Variants in KIAA1549L observed in about 807,000 individuals in gnomAD.
The protein encoded by KIAA1549L is KIAA1549 like, also known as UPF0606 protein KIAA1549L.
In KIAA1549L, 88 loss-of-function variants were observed where a neutral mutation model predicts 160.7. The ratio of observed to expected loss-of-function variants is 0.55; its 90% CI spans 0.46 to 0.65. The LOEUF (loss-of-function observed/expected upper bound fraction) is 0.65. Among genes scored for constraint, KIAA1549L ranks in the 30% least tolerant of loss-of-function variants. The probability of loss-of-function intolerance (pLI) is 0.00; values close to 1 mark genes in which losing one functional copy is unlikely to be tolerated. For synonymous variants in KIAA1549L, 950 were observed against 976.7 expected, an observed-to-expected ratio of 0.97 and a Z score of 0.51; for missense variants, 2,258 against 2,437.5, an observed-to-expected ratio of 0.93 and a Z score of 1.55.
intron 1 of KIAA1549L, among the ~76,000 whole-genome samples, chr11:33,464,470 GTGCA>G (rs1852003060): frequency 7.0e-6 from 1 of 142,082 alleles, no homozygotes; most frequent in African/African-American, 2.7e-5. Context: ...AGAGCTGTGT[GTGCA>G]TGTGTGTGTG....
chr11:33,649,368 G>A (rs1006862343), intron 17 of KIAA1549L, among the ~76,000 whole-genome samples: 4 of 134,194 alleles, frequency 3.0e-5, no homozygotes, highest in Non-Finnish European at 4.7e-5. Flanking sequence ...AAAAAAAATT[G>A]GCTGGGCCTG....
intron 1 of KIAA1549L, among the ~76,000 whole-genome samples, chr11:33,425,652 A>G (rs533614102): frequency 2.4e-4 from 37 of 152,356 alleles, no homozygotes; most frequent in African/African-American, 7.7e-4. Context: ...TGCTGTACGT[A>G]GATGAAAACA....
At chr11:33,439,569 A>ATTTTTTTTT (rs34456047) in intron 1 of KIAA1549L, among the ~76,000 whole-genome samples, 1 of 123,988 alleles carries the variant, frequency 8.1e-6, no homozygotes, top group African/African-American at 3.1e-5. Context: ...TGCCCGGCTA[A>ATTTTTTTTT]TTTTTTTTTT....
chr11:33,453,972 G>C (rs1851772077), intron 1 of KIAA1549L, among the ~76,000 whole-genome samples: 2 of 152,196 alleles, frequency 1.3e-5, no homozygotes, highest in Non-Finnish European at 2.9e-5. Context: ...ACTCCCCCAG[G>C]TTTTTAATTC....
At chr11:33,666,481 C>CCACA (rs1003239359) in intron 20 of KIAA1549L, among the ~76,000 whole-genome samples, 3 of 152,194 alleles carry the variant, frequency 2.0e-5, no homozygotes, top group Non-Finnish European at 2.9e-5. Context: ...CCGAGTCCTC[C>CCACA]CATACATACT....
chr11:33,435,195 C>T (rs1313992393), intron 1 of KIAA1549L, among the ~76,000 whole-genome samples: 1 of 152,084 alleles, frequency 6.6e-6, no homozygotes, highest in South Asian at 2.1e-4. Flanking sequence ...TTAGATTTTC[C>T]AAGGGTGTTT....
intron 1 of KIAA1549L, among the ~76,000 whole-genome samples, chr11:33,445,297 G>C (rs1406712715): frequency 6.6e-6 from 1 of 152,224 alleles, no homozygotes; most frequent in Non-Finnish European, 1.5e-5. Context: ...AGGTGGGAGA[G>C]AATCAGAGAG....
intron 1 of KIAA1549L, among the ~76,000 whole-genome samples, chr11:33,502,805 A>G (rs370885026): frequency 5.9e-5 from 9 of 152,318 alleles, no homozygotes; most frequent in African/African-American, 2.2e-4. Flanking sequence ...AAAGTAACAT[A>G]ATCTTAGAGC....
In KIAA1549L at chr11:33,618,624, G is replaced by C; in HGVS notation, c.5371G>C (p.Glu1791Gln). 1.9e-6 allele frequency: 3 copies of C among 1,604,598 alleles called. No homozygotes were observed. The highest frequency in any genetic ancestry group is 2.6e-6 in the Non-Finnish European group (3 of 1,175,026). The change falls in exon 16 of 21, where the codon GAG becomes CAG. Residue 1791 changes from glutamate to glutamine, a missense_variant. By Grantham distance (29) the Glu-to-Gln change is conservative. This residue lies in a region of KIAA1549L where 1,359 missense variants were observed against 1,546.6 expected (regional missense o/e 0.88). Coordinates refer to ENST00000658780, the MANE Select transcript of KIAA1549L (RefSeq NM_012194.3). ...ETEMDLLVTR[E>Q]RPRRGIRNSG... ...CGAGATGGACCTTCTGGTGACTCGG[G>C]AGCGACCCCGGCGTGGAATCCGCAA...
Position 33,530,434 on chromosome 11 carries a change from AAAATATATATATATAT to A in KIAA1549L, c.239-11366_239-11351del, listed in dbSNP as rs1486458459. Among the ~76,000 whole-genome samples, 21 of 6,862 alleles carry A rather than the reference AAAATATATATATATAT, an allele frequency of 3.1e-3. 1 individual carries two copies. The highest frequency in any genetic ancestry group is 0.025 in the East Asian group (7 of 278). The allele number at this position is 6,862 out of a possible 152,430, so 4.5% of individuals were successfully genotyped here. On this transcript the variant is annotated intron_variant, in intron 1 of 20. Transcript: ENST00000658780. ...AGAAGGAAAAAAAAAAAAAAAAAAAAAAATATATATATATATATATATATATATATATATATATATA... is the reference window on the plus strand; with the variant it reads ...AGAAGGAAAAAAAAAAAAAAAAAAAAATATATATATATATATATATATATA...
intron 6 of KIAA1549L, among the ~76,000 whole-genome samples, chr11:33,555,968 A>G (rs1854633328): frequency 6.6e-6 from 1 of 152,188 alleles, no homozygotes; most frequent in Non-Finnish European, 1.5e-5. Flanking sequence ...AATAATAAAA[A>G]CAAACAAAAA....
intron 1 of KIAA1549L, among the ~76,000 whole-genome samples, chr11:33,522,723 G>A (rs907671805): frequency 2.6e-5 from 4 of 152,064 alleles, no homozygotes; most frequent in African/African-American, 7.2e-5. Flanking sequence ...GAGAGAGACC[G>A]TCTCTACAAA....
intron 16 of KIAA1549L, among the ~76,000 whole-genome samples, chr11:33,641,329 A>G (rs1369041510): frequency 1.3e-5 from 2 of 152,118 alleles, no homozygotes; most frequent in African/African-American, 2.4e-5. Context: ...TTCCCAGTCT[A>G]TGGAAGGAGA....
rs72638191 is a variant in KIAA1549L at position 33,621,272 on chromosome 11, G to A, written c.5409+2610G>A. On this transcript the variant is annotated intron_variant, in intron 16 of 20. Coordinates refer to ENST00000658780, the MANE Select transcript of KIAA1549L (RefSeq NM_012194.3). ...TTCCCATAGAACAAGAGTTATTAGG[G>A]CCTATAGAAGGGAGACCCTTAGCTC... Among the ~76,000 whole-genome samples the A allele has an allele frequency of 0.01, 1,581 of 152,272 alleles. 63 individuals carry two copies. In the East Asian group the frequency reaches 0.15, roughly 15 times the overall value.
Position 33,551,028 on chromosome 11 carries a change from T to G in KIAA1549L, c.3502-12T>G. 1.2e-6 allele frequency: 2 copies of G among 1,601,844 alleles called. No individual in the cohort carries two copies. Among genetic ancestry groups the G allele is most frequent in the Non-Finnish European group, 1.7e-6 (2 of 1,168,840 alleles). ...ATAAACAATGGGTTTTGTGGGTCCATTTGTTTTGTAGGTGGACATTCTGGA... is the reference window on the plus strand; with the variant it reads ...ATAAACAATGGGTTTTGTGGGTCCAGTTGTTTTGTAGGTGGACATTCTGGA... On this transcript the variant is annotated splice_polypyrimidine_tract_variant and intron_variant, in intron 4 of 20. Coordinates refer to ENST00000658780, the MANE Select transcript of KIAA1549L (RefSeq NM_012194.3).
At chr11:33,566,433 T>A (rs1855051925) in intron 8 of KIAA1549L, among the ~76,000 whole-genome samples, 1 of 152,230 alleles carries the variant, frequency 6.6e-6, no homozygotes, top group Non-Finnish European at 1.5e-5. Context: ...AGCTGTGTCA[T>A]GAGGGATTCC....
At chr11:33,645,282 A>T (rs1851684742) in intron 16 of KIAA1549L, among the ~76,000 whole-genome samples, 1 of 152,154 alleles carries the variant, frequency 6.6e-6, no homozygotes, top group South Asian at 2.1e-4. Context: ...TTAGGGAGTG[A>T]ATCTAGAATG....
At chr11:33,493,728 C>T (rs1852751137) in intron 1 of KIAA1549L, among the ~76,000 whole-genome samples, 1 of 152,214 alleles carries the variant, frequency 6.6e-6, no homozygotes. Flanking sequence ...TACCTCTTCC[C>T]TAGTGCCACA....
intron 1 of KIAA1549L, among the ~76,000 whole-genome samples, chr11:33,510,551 A>G (rs1360719490): frequency 6.6e-6 from 1 of 152,224 alleles, no homozygotes; most frequent in African/African-American, 2.4e-5. Context: ...TGTGGAGGAC[A>G]CTAATGTTGA....
Sources: allele counts gnomAD v4.1 joint callset (sites outside exome capture counted in the v4.1 genomes callset), GRCh38; gene constraint gnomAD v4.1.1; regional missense constraint gnomAD v4.1.1; transcripts MANE v1.5; gene names NCBI Gene and HGNC (gene_info 2026-07-23, HGNC 2026-07-21).